The following MSH3 variants were observed in gnomAD, a reference collection of about 807,000 sequenced individuals.
MSH3 encodes the protein mutS homolog 3, also known as DNA mismatch repair protein Msh3.
In MSH3, 106 loss-of-function variants were observed where a neutral mutation model predicts 123.3. The ratio of observed to expected loss-of-function variants is 0.86; its 90% CI spans 0.73 to 1.01. The LOEUF is 1.01. MSH3 is among the 50% of genes least tolerant of loss of function. MSH3 has a pLI of 0.00. For synonymous variants in MSH3, 515 were observed against 481.4 expected, an observed-to-expected ratio of 1.07 and a Z score of -0.91; for missense variants, 1,459 against 1,347.6, an observed-to-expected ratio of 1.08 and a Z score of -1.29.
chr5:80,668,980 C>T (rs1221535456), intron 3 of MSH3, among the ~76,000 whole-genome samples: 1 of 152,324 alleles, frequency 6.6e-6, no homozygotes, highest in Non-Finnish European at 1.5e-5. Flanking sequence ...CTGCAGCTGG[C>T]GTTACGGCAG....
At chr5:80,669,707 C>T (rs1749656916) in intron 3 of MSH3, among the ~76,000 whole-genome samples, 2 of 152,174 alleles carry the variant, frequency 1.3e-5, no homozygotes, top group Non-Finnish European at 2.9e-5. Context: ...TTTTGCCCTA[C>T]TCCTGAGAGA....
At chr5:80,849,499 A>C (rs2112100926) in intron 20 of MSH3, among the ~76,000 whole-genome samples, 1 of 152,208 alleles carries the variant, frequency 6.6e-6, no homozygotes, top group Admixed American at 6.5e-5. Flanking sequence ...TTATTTCCAT[A>C]CATCTCTGCA....
Position 80,741,486 on chromosome 5 carries a change from A to G in MSH3, c.1591A>G (p.Lys531Glu), listed in dbSNP as rs777539499. ...CAGGAATTTTAAACAGCTATCAAGT[A>G]AAATGGAATTTATGACAATTAATGG... is the stretch of plus-strand genomic sequence containing the variant. Reference protein sequence around the residue: ...KPENFKQLSSKMEFMTINGTT... With the variant: ...KPENFKQLSSEMEFMTINGTT... The change falls in exon 11 of 24, where the codon AAA becomes GAA. Residue 531 changes from lysine (K) to glutamate (E), a missense_variant. Lys to Glu is a moderately conservative substitution (Grantham distance 56). Coordinates refer to ENST00000265081, the MANE Select transcript of MSH3 (RefSeq NM_002439.5). 1.2e-6 allele frequency: 2 copies of G among 1,601,430 alleles called. No individual in the cohort carries two copies. The highest frequency in any genetic ancestry group is 2.2e-5 in the South Asian group (2 of 90,816).
chr5:80,749,059 T>G (rs1210837344), intron 12 of MSH3, among the ~76,000 whole-genome samples: 1 of 152,164 alleles, frequency 6.6e-6, no homozygotes, highest in Non-Finnish European at 1.5e-5. Flanking sequence ...AGTTTTATCT[T>G]TAATTGACAA....
intron 19 of MSH3, among the ~76,000 whole-genome samples, chr5:80,794,026 G>C (rs1327639279): frequency 6.6e-6 from 1 of 152,168 alleles, no homozygotes; most frequent in Non-Finnish European, 1.5e-5. Flanking sequence ...TGAGCTGGGG[G>C]AGGAGAGAGA....
At position 80,801,458 on chromosome 5, in the gene MSH3, C is replaced by G. The variant is rs535152084; in HGVS notation, c.2655+8614C>G. 4.6e-5 allele frequency among the ~76,000 whole-genome samples: 7 copies of G among 152,262 alleles called. No individual in the cohort carries two copies. The South Asian group carries it at 1.4e-3, about 32-fold the overall frequency. On this transcript the variant is annotated intron_variant, in intron 19 of 23. Coordinates refer to ENST00000265081, the MANE Select transcript of MSH3 (RefSeq NM_002439.5). Reference sequence around the variant, plus strand: ...AGTCTCTTAGGGCTTACTAAGAAAGCCACCATGTTGTCACCTACAAATATT... The same window carrying G: ...AGTCTCTTAGGGCTTACTAAGAAAGGCACCATGTTGTCACCTACAAATATT...
intron 12 of MSH3, among the ~76,000 whole-genome samples, chr5:80,755,643 AG>A (rs1240074595): frequency 3.9e-5 from 6 of 152,158 alleles, no homozygotes; most frequent in Non-Finnish European, 8.8e-5. Flanking sequence ...ACATAAGGGA[AG>A]AACTGAGGGA....
At chr5:80,664,236 C>T (rs1749512569) in intron 2 of MSH3, among the ~76,000 whole-genome samples, 1 of 152,128 alleles carries the variant, frequency 6.6e-6, no homozygotes, top group African/African-American at 2.4e-5. Flanking sequence ...TGAGATGGGT[C>T]TTGAAGAATG....
At chr5:80,739,030 A>G (rs999171770) in intron 10 of MSH3, among the ~76,000 whole-genome samples, 1 of 152,212 alleles carries the variant, frequency 6.6e-6, no homozygotes, top group Non-Finnish European at 1.5e-5. Context: ...ACTCTGAGCA[A>G]TAAACTTCTG....
chr5:80,754,808 A>G (rs888526452), intron 12 of MSH3, among the ~76,000 whole-genome samples: 1 of 152,142 alleles, frequency 6.6e-6, no homozygotes, highest in African/African-American at 2.4e-5. Context: ...TGGTAAACCC[A>G]TATGTTTGGA....
chr5:80,706,960 C>T (rs559822450), intron 8 of MSH3, among the ~76,000 whole-genome samples: 6 of 152,250 alleles, frequency 3.9e-5, no homozygotes, highest in African/African-American at 1.4e-4. Flanking sequence ...ATATAACTAC[C>T]ACCCAAATTA....
chr5:80,728,585 A>G (rs1743344774), intron 9 of MSH3, among the ~76,000 whole-genome samples: 3 of 152,176 alleles, frequency 2.0e-5, no homozygotes, highest in Admixed American at 2.0e-4. Flanking sequence ...ACATTTTGAA[A>G]AAACAACCTG....
chr5:80,851,084 TTCA>T (rs1212582325), intron 20 of MSH3, among the ~76,000 whole-genome samples: 1 of 152,204 alleles, frequency 6.6e-6, no homozygotes, highest in African/African-American at 2.4e-5. Context: ...TGCATAGTTT[TTCA>T]TCATAGTACT....
chr5:80,804,709 C>G (rs1262755044), intron 19 of MSH3, among the ~76,000 whole-genome samples: 1 of 152,194 alleles, frequency 6.6e-6, no homozygotes, highest in African/African-American at 2.4e-5. Context: ...ACCACTGGGA[C>G]TGCACTGGGT....
chr5:80,711,064 C>A (rs934560088), intron 8 of MSH3, among the ~76,000 whole-genome samples: 37 of 152,216 alleles, frequency 2.4e-4, no homozygotes, highest in African/African-American at 8.4e-4. Flanking sequence ...ACAAAAGAAG[C>A]AAAGGTATAA....
intron 8 of MSH3, among the ~76,000 whole-genome samples, chr5:80,720,351 T>G (rs1034378166): frequency 2.6e-5 from 4 of 152,196 alleles, no homozygotes. Context: ...CTTTGTACCT[T>G]GGGGGCACCT....
chr5:80,745,526 A>G (rs759454114), intron 12 of MSH3, among the ~76,000 whole-genome samples: 1 of 152,232 alleles, frequency 6.6e-6, no homozygotes, highest in Non-Finnish European at 1.5e-5. Context: ...GTAGAGATAA[A>G]TATAAGATTT....
intron 8 of MSH3, among the ~76,000 whole-genome samples, chr5:80,691,972 T>G (rs62643180): frequency 0.024 from 1,082 of 45,202 alleles, 134 homozygotes; most frequent in African/African-American, 0.053. Flanking sequence ...TATATGTTTA[T>G]ATAGATAAAC....
intron 12 of MSH3, among the ~76,000 whole-genome samples, chr5:80,753,352 C>A (rs556140671): frequency 1.3e-5 from 2 of 152,174 alleles, no homozygotes; most frequent in South Asian, 4.1e-4. Flanking sequence ...CTGGTACTTG[C>A]CTGTGTTTTC....
Sources: gnomAD v4.1 joint callset for allele counts (sites outside exome capture counted in the v4.1 genomes callset) on GRCh38, gnomAD v4.1.1 for gene constraint, MANE v1.5 for transcripts, NCBI Gene and HGNC (gene_info 2026-07-23, HGNC 2026-07-21) for gene names.